The following ABCC9 variants were observed in gnomAD, a reference collection of about 807,000 sequenced individuals.
ABCC9 encodes the protein ATP binding cassette subfamily C member 9, also known as ATP-binding cassette sub-family C member 9.
Under a neutral mutation model 188.3 loss-of-function variants are expected in ABCC9, and 95 were observed. That is an observed-to-expected ratio of 0.50 (90% CI 0.43 to 0.60). ABCC9 has a LOEUF of 0.60. ABCC9 is among the 20% of genes least tolerant of loss of function. ABCC9 has a pLI of 0.00. For missense variants in ABCC9, 1,102 were observed against 1,876.3 expected, an observed-to-expected ratio of 0.59 and a Z score of 7.62; for synonymous variants, 659 against 652.7, an observed-to-expected ratio of 1.01 and a Z score of -0.15.
intron 24 of ABCC9, 92 bp downstream of exon 24, chr12:21,852,005 A>T: frequency 6.9e-7 from 1 of 1,438,972 alleles, no homozygotes. Flanking sequence ...AAAGTATTAA[A>T]TGGTAATTTT....
chr12:21,832,117 T>A (rs1943795927), intron 30 of ABCC9, among the ~76,000 whole-genome samples: 1 of 152,200 alleles, frequency 6.6e-6, no homozygotes, highest in Non-Finnish European at 1.5e-5. Context: ...GCCTGTATCT[T>A]TTCATCCATA....
chr12:21,830,730 G>A (rs1943706046), intron 30 of ABCC9, among the ~76,000 whole-genome samples: 1 of 152,092 alleles, frequency 6.6e-6, no homozygotes, highest in African/African-American at 2.4e-5. Flanking sequence ...AATAATCAGA[G>A]AACTCAGCAA....
rs535546830 is a variant in ABCC9, at chr12:21,908,683, A to T, written c.1321-472T>A. Among the ~76,000 whole-genome samples the T allele has an allele frequency of 2.6e-5, 4 of 152,006 alleles. No homozygotes were observed. In the South Asian group the frequency reaches 6.2e-4, roughly 24 times the overall value. On this transcript the variant is annotated intron_variant, in intron 10 of 39. Coordinates refer to ENST00000261200, the MANE Select transcript of ABCC9 (RefSeq NM_020297.4). Reference sequence around the variant, plus strand: ...GGGGGCAGCATCATGTGAGTAGAGGATGGTTGTCTGTGGACTAAAGGAATG... The same window carrying T: ...GGGGGCAGCATCATGTGAGTAGAGGTTGGTTGTCTGTGGACTAAAGGAATG...
chr12:21,846,930 G>A (rs1447725975), intron 25 of ABCC9, among the ~76,000 whole-genome samples: 2 of 151,872 alleles, frequency 1.3e-5, no homozygotes, highest in African/African-American at 2.4e-5. Context: ...GAAACAATAC[G>A]TGCAACTCCA....
At chr12:21,883,428 A>G (rs912122981) in intron 15 of ABCC9, among the ~76,000 whole-genome samples, 2 of 152,194 alleles carry the variant, frequency 1.3e-5, no homozygotes, top group African/African-American at 2.4e-5. Context: ...GCCACCATGT[A>G]AGATGTGCCT....
intron 3 of ABCC9, among the ~76,000 whole-genome samples, chr12:21,935,285 A>G (rs1421751309): frequency 6.6e-6 from 1 of 152,164 alleles, no homozygotes; most frequent in Non-Finnish European, 1.5e-5. Flanking sequence ...TGGCCTACAA[A>G]TAATACTACA....
At chr12:21,904,708 G>T (rs1204390602) in intron 12 of ABCC9, among the ~76,000 whole-genome samples, 1 of 152,180 alleles carries the variant, frequency 6.6e-6, no homozygotes, top group Non-Finnish European at 1.5e-5. Flanking sequence ...TCAGAGAAAT[G>T]CAAATTAAAA....
At chr12:21,850,242 C>T (rs1477184424) in intron 24 of ABCC9, among the ~76,000 whole-genome samples, 1 of 151,552 alleles carries the variant, frequency 6.6e-6, no homozygotes, top group Non-Finnish European at 1.5e-5. Flanking sequence ...GGAAAATTGG[C>T]CCAGGTTGAT....
Position 21,882,895 on chromosome 12 carries a change from A to C in ABCC9, c.1912-22T>G, listed in dbSNP as rs772718625. ...GCTGCTGCATTCCAAATGGAAAAGAACACAAGTTGAGGCTTTATTAAAAAA... is the reference window on the plus strand; with the variant it reads ...GCTGCTGCATTCCAAATGGAAAAGACCACAAGTTGAGGCTTTATTAAAAAA... On this transcript the variant is annotated intron_variant, in intron 15 of 39. Coordinates refer to ENST00000261200, the MANE Select transcript of ABCC9 (RefSeq NM_020297.4). 2.5e-6 allele frequency: 4 copies of C among 1,572,726 alleles called. No homozygotes were observed. The East Asian group carries it at 9.0e-5, about 35-fold the overall frequency.
intron 39 of ABCC9, among the ~76,000 whole-genome samples, chr12:21,803,412 C>T (rs989011719): frequency 6.6e-6 from 1 of 151,988 alleles, no homozygotes; most frequent in Admixed American, 6.6e-5. Flanking sequence ...AATCCCAGCT[C>T]TTTGGGAGGG....
rs780840322 is a variant in ABCC9 at position 21,864,437 on chromosome 12, A to G, written c.2237+2T>C. The G allele has an allele frequency of 6.3e-7, 1 of 1,579,362 alleles. No homozygotes were observed. The highest frequency in any genetic ancestry group is 8.7e-7 in the Non-Finnish European group (1 of 1,148,554). Reference sequence around the variant, plus strand: ...AAACTCAGGTTAAAATAGAAATAATACCTTCTGGTTGCTTCAAAAGAAGGC... The same window carrying G: ...AAACTCAGGTTAAAATAGAAATAATGCCTTCTGGTTGCTTCAAAAGAAGGC... On this transcript the variant is annotated splice_donor_variant, in intron 19 of 39. Coordinates refer to ENST00000261200, the MANE Select transcript of ABCC9 (RefSeq NM_020297.4). LOFTEE classifies it high-confidence loss of function.
intron 5 of ABCC9, chr12:21,924,993 C>T (rs1029478046): frequency 2.0e-5 from 3 of 152,152 alleles, no homozygotes; most frequent in Non-Finnish European, 4.4e-5. Flanking sequence ...GTCCTCTGGA[C>T]AAATGAATAA....
intron 6 of ABCC9, 101 bp downstream of exon 6, chr12:21,916,836 T>G (rs937642876): frequency 2.0e-6 from 2 of 1,005,930 alleles, no homozygotes; most frequent in African/African-American, 3.2e-5. Flanking sequence ...ATCAAATACA[T>G]GTGTTCATCC....
chr12:21,880,875 C>T (rs139234523), intron 16 of ABCC9, among the ~76,000 whole-genome samples: 1 of 152,130 alleles, frequency 6.6e-6, no homozygotes, highest in East Asian at 1.9e-4. Flanking sequence ...TAGCCCCAAA[C>T]TGAAAAATAC....
chr12:21,917,598 T>G (rs1231172826), intron 5 of ABCC9, among the ~76,000 whole-genome samples: 1 of 152,182 alleles, frequency 6.6e-6, no homozygotes, highest in African/African-American at 2.4e-5. Flanking sequence ...TTACAGATTC[T>G]TATTCAAGTA....
chr12:21,931,186 C>T (rs1006332914), intron 4 of ABCC9, among the ~76,000 whole-genome samples: 1 of 152,008 alleles, frequency 6.6e-6, no homozygotes, highest in African/African-American at 2.4e-5. Context: ...ATAATGGCAA[C>T]AATTCCCTCA....
At chr12:21,806,400 A>G (rs1284592579) in intron 38 of ABCC9, among the ~76,000 whole-genome samples, 1 of 152,208 alleles carries the variant, frequency 6.6e-6, no homozygotes, top group Non-Finnish European at 1.5e-5. Flanking sequence ...AAATTCTGTA[A>G]TGATGTTAAC....
intron 25 of ABCC9, among the ~76,000 whole-genome samples, chr12:21,846,068 G>A (rs1436477232): frequency 6.6e-6 from 1 of 152,180 alleles, no homozygotes; most frequent in East Asian, 1.9e-4. Context: ...GAGACTATTT[G>A]CTGATTTACT....
In ABCC9 at chr12:21,915,726, A is replaced by G; in HGVS notation, c.758T>C (p.Ile253Thr). ...IDLKAIGKLP[I>T]AMRAVTNYVC... ...ATAATTTGTTACTGCTCTCATTGCTATTGGCAATTTTCCAATTGCCTTCAG... is the reference window on the plus strand; with the variant it reads ...ATAATTTGTTACTGCTCTCATTGCTGTTGGCAATTTTCCAATTGCCTTCAG... Residue 253 changes from isoleucine (I) to threonine (T), a missense_variant, in exon 7 of 40, where the codon ATA (isoleucine) becomes ACA (threonine). Transcript: ENST00000261200. The G allele has an allele frequency of 1.9e-6, 3 of 1,612,512 alleles. No individual in the cohort carries two copies. Among genetic ancestry groups the G allele is most frequent in the Non-Finnish European group, 2.5e-6 (3 of 1,179,554 alleles).
Sources: allele counts gnomAD v4.1 joint callset (sites outside exome capture counted in the v4.1 genomes callset), GRCh38; gene constraint gnomAD v4.1.1; transcripts MANE v1.5; gene names NCBI Gene and HGNC (gene_info 2026-07-23, HGNC 2026-07-21).